Variants in NID2 observed in about 807,000 individuals in gnomAD.
The protein encoded by NID2 is nidogen 2.
Under a neutral mutation model 145.4 loss-of-function variants are expected in NID2, and 83 were observed. The ratio of observed to expected loss-of-function variants is 0.57; its 90% CI spans 0.48 to 0.69. The LOEUF is 0.69. NID2 is among the 30% of genes least tolerant of loss of function. The pLI is 0.00. For synonymous variants in NID2, 739 were observed against 701.3 expected, an observed-to-expected ratio of 1.05 and a Z score of -0.85; for missense variants, 1,807 against 1,765.7, an observed-to-expected ratio of 1.02 and a Z score of -0.42.
intron 5 of NID2, among the ~76,000 whole-genome samples, chr14:52,049,913 T>G (rs1489974896): frequency 6.6e-6 from 1 of 152,158 alleles, no homozygotes; most frequent in Non-Finnish European, 1.5e-5. Context: ...TCACAGACCC[T>G]CTGCAACCTG....
In NID2 at chr14:52,020,149, G is replaced by A; in HGVS notation, c.2704C>T (p.His902Tyr). Residue 902 changes from histidine to tyrosine, a missense_variant, in exon 13 of 22, where the codon CAC becomes TAC. By Grantham distance (83) the His-to-Tyr change is moderately conservative (BLOSUM62 2). Coordinates refer to ENST00000216286, the MANE Select transcript of NID2 (RefSeq NM_007361.4). The part of the protein sequence containing the change: ...DVDECSENRC[H>Y]PAATCYNTPG... ...GTATTGTAGCAGGTAGCTGCAGGGT[G>A]ACATCTGTTTTCTGAGCATTCATCT... 6.2e-7 allele frequency: 1 copy of A among 1,614,034 alleles called. No individual in the cohort carries two copies. Among genetic ancestry groups the A allele is most frequent in the Non-Finnish European group, 8.5e-7 (1 of 1,179,912 alleles).
At chr14:52,040,310 T>C (rs1892231791) in intron 8 of NID2, among the ~76,000 whole-genome samples, 1 of 152,008 alleles carries the variant, frequency 6.6e-6, no homozygotes, top group Admixed American at 6.6e-5. Flanking sequence ...GAGATAAATA[T>C]AAATTCCAAT....
At chr14:52,056,399 GAACTT>G (rs1180912275) in intron 3 of NID2, among the ~76,000 whole-genome samples, 1 of 152,078 alleles carries the variant, frequency 6.6e-6, no homozygotes, top group Admixed American at 6.6e-5. Context: ...GTAATAGAAA[GAACTT>G]AATTTATTTC....
At position 52,060,272 on chromosome 14, in the gene NID2, G is replaced by C; in HGVS notation, c.619C>G (p.Leu207Val). Reference protein sequence around the residue: ...FLYPANGLQFLGTRPKESYNV... With the variant: ...FLYPANGLQFVGTRPKESYNV... ...TAAGACTCTTTGGGGCGGGTTCCAA[G>C]GAACTGCAGGCCGTTGGCAGGATAA... Residue 207 changes from leucine to valine, a missense_variant, in exon 3 of 22, where the codon CTT becomes GTT. Coordinates refer to ENST00000216286, the MANE Select transcript of NID2 (RefSeq NM_007361.4). The C allele has an allele frequency of 1.9e-6, 3 of 1,613,308 alleles. No individual in the cohort carries two copies. Among genetic ancestry groups the C allele is most frequent in the Non-Finnish European group, 2.5e-6 (3 of 1,179,910 alleles).
At position 52,053,699 on chromosome 14, in the gene NID2, G is replaced by C. The variant is rs1216248193; in HGVS notation, c.1309C>G (p.Pro437Ala). Reference protein sequence around the residue: ...GPVPSEMDVPPAHPEEEIVLR... With the variant: ...GPVPSEMDVPAAHPEEEIVLR... ...ACAATTTCTTCTTCAGGATGAGCTG[G>C]GGGAACATCCATTTCCGAAGGCACT... is the stretch of plus-strand genomic sequence containing the variant. The change falls in exon 5 of 22, where the codon CCA becomes GCA. Residue 437 changes from proline to alanine, a missense_variant. Physicochemically the swap from Pro to Ala is conservative, Grantham distance 27. Transcript: ENST00000216286. 1.9e-6 allele frequency: 3 copies of C among 1,614,214 alleles called. No homozygotes were observed. The highest frequency in any genetic ancestry group is 2.5e-6 in the Non-Finnish European group (3 of 1,180,040).
intron 21 of NID2, 60 bp from the exon 22 acceptor site, chr14:52,005,556 C>T (rs569888830): frequency 1.3e-6 from 2 of 1,563,008 alleles, no homozygotes; most frequent in Non-Finnish European, 1.7e-6. Context: ...AACCAAGTTG[C>T]AACAGCAAGT....
In NID2 at chr14:52,040,669, A is replaced by T; in HGVS notation, c.2008T>A (p.Tyr670Asn). ...TACATACTGGAGTCGGAGTAGTGGT[A>T]CAGCTCCTTGTAGGGAGAGATGTGG... ...TAHISPYKEL[Y>N]HYSDSTVTST... Residue 670 changes from tyrosine (Y) to asparagine (N), a missense_variant, in exon 8 of 22, where the codon TAC (tyrosine) becomes AAC (asparagine). Physicochemically the swap from Tyr to Asn is moderately radical, Grantham distance 143. Transcript: ENST00000216286. The T allele has an allele frequency of 1.2e-6, 2 of 1,614,072 alleles. No individual in the cohort carries two copies. Among genetic ancestry groups the T allele is most frequent in the South Asian group, 2.2e-5 (2 of 91,066 alleles).
intron 14 of NID2, among the ~76,000 whole-genome samples, chr14:52,016,970 A>T (rs925312785): frequency 6.6e-6 from 1 of 152,244 alleles, no homozygotes; most frequent in Non-Finnish European, 1.5e-5. Flanking sequence ...ACTGTAGCTC[A>T]TGACCCATGG....
At chr14:52,034,613 G>C (rs754128190) in intron 9 of NID2, among the ~76,000 whole-genome samples, 20 of 152,180 alleles carry the variant, frequency 1.3e-4, no homozygotes, top group Non-Finnish European at 2.8e-4. Context: ...CTAGAAAAGA[G>C]TCTAGTCCTT....
rs141630728 is a variant in NID2, at chr14:52,054,255, A to G, written c.834T>C (p.Asn278=). 64 of 1,614,162 alleles carry G rather than the reference A, an allele frequency of 4.0e-5. No homozygotes were observed. In the African/African-American group the frequency reaches 8.0e-4, roughly 20 times the overall value. Reference sequence around the variant, plus strand: ...GGTCTCCAACTGCAGCTGGCCTGACATTGTCCAACGGGGAAGTGCTGCCGA... The same window carrying G: ...GGTCTCCAACTGCAGCTGGCCTGACGTTGTCCAACGGGGAAGTGCTGCCGA... ...FHIGSTSPLD[N]VRPAAVGDLS... Residue 278 remains asparagine, a synonymous_variant, in exon 4 of 22, where the codon AAT becomes AAC. Coordinates refer to ENST00000216286, the MANE Select transcript of NID2 (RefSeq NM_007361.4).
intron 3 of NID2, 58 bp downstream of exon 3, chr14:52,060,066 T>G (rs750568394): frequency 2.4e-6 from 3 of 1,239,732 alleles, no homozygotes; most frequent in Non-Finnish European, 3.5e-6. Context: ...TGTGTTCAGG[T>G]ACTTCCTAAA....
intron 16 of NID2, among the ~76,000 whole-genome samples, chr14:52,013,455 T>C (rs1293438450): frequency 6.6e-6 from 1 of 152,216 alleles, no homozygotes; most frequent in Non-Finnish European, 1.5e-5. Flanking sequence ...TCTAAGCTTT[T>C]CTGGAACCAA....
intron 12 of NID2, among the ~76,000 whole-genome samples, chr14:52,022,203 A>G (rs1363866958): frequency 6.6e-6 from 1 of 152,188 alleles, no homozygotes; most frequent in African/African-American, 2.4e-5. Context: ...ATTCTGACTC[A>G]ATCTGAAAGA....
At chr14:52,025,274 T>A (rs1891549875) in intron 12 of NID2, among the ~76,000 whole-genome samples, 1 of 152,248 alleles carries the variant, frequency 6.6e-6, no homozygotes, top group South Asian at 2.1e-4. Flanking sequence ...ATATACTCAA[T>A]GTTTTCTCAC....
At chr14:52,019,433 A>T in intron 13 of NID2, 139 bp from the exon 14 acceptor site, 3 of 628,330 alleles carry the variant, frequency 4.8e-6, no homozygotes, top group Non-Finnish European at 8.0e-6. Flanking sequence ...ATACCTTGCC[A>T]CTATTTACCT....
chr14:52,055,218 C>A (rs1458204265), intron 3 of NID2, among the ~76,000 whole-genome samples: 5 of 152,122 alleles, frequency 3.3e-5, no homozygotes, highest in Non-Finnish European at 7.4e-5. Context: ...ACAATTGGAT[C>A]CGAATTCAGT....
chr14:52,016,093 C>T (rs1891207216), intron 14 of NID2, among the ~76,000 whole-genome samples: 4 of 152,148 alleles, frequency 2.6e-5, no homozygotes, highest in Non-Finnish European at 5.9e-5. Context: ...CCTCACAGCT[C>T]ACTCCATGGT....
intron 12 of NID2, among the ~76,000 whole-genome samples, chr14:52,026,288 C>T (rs138362276): frequency 2.0e-5 from 3 of 152,332 alleles, no homozygotes; most frequent in African/African-American, 4.8e-5. Flanking sequence ...CTGTTCTTAG[C>T]ACATCAGCTC....
intron 11 of NID2, among the ~76,000 whole-genome samples, chr14:52,027,833 C>G (rs1363173083): frequency 6.6e-6 from 1 of 151,636 alleles, no homozygotes; most frequent in African/African-American, 2.4e-5. Context: ...AAGTGATTCT[C>G]CTGCCTCAGC....
Sources: allele counts gnomAD v4.1 joint callset (sites outside exome capture counted in the v4.1 genomes callset), GRCh38; gene constraint gnomAD v4.1.1; transcripts MANE v1.5; gene names NCBI Gene and HGNC (gene_info 2026-07-23, HGNC 2026-07-21).